The following CSNK1G1 variants were observed in gnomAD, a reference collection of about 807,000 sequenced individuals.
The protein encoded by CSNK1G1 is casein kinase I isoform gamma-1.
Under a neutral mutation model 59.6 loss-of-function variants are expected in CSNK1G1, and 22 were observed. That is an observed-to-expected ratio of 0.37 (90% CI 0.26 to 0.53). CSNK1G1 has a LOEUF of 0.53. Among genes scored for constraint, CSNK1G1 ranks in the 20% least tolerant of loss-of-function variants. CSNK1G1 has a pLI of 0.89. For missense variants in CSNK1G1, 384 were observed against 519.5 expected (o/e 0.74, Z 2.54); for synonymous variants, 179 against 177.1 (o/e 1.01, Z -0.08).
At chr15:64,284,909 A>T (rs1256692187) in intron 2 of CSNK1G1, among the ~76,000 whole-genome samples, 2 of 152,100 alleles carry the variant, frequency 1.3e-5, no homozygotes, top group Admixed American at 1.3e-4. Context: ...ATTACTGTTA[A>T]CTTATACTGT....
In CSNK1G1 at chr15:64,353,646, CAA is replaced by C. The variant is rs11301406; in HGVS notation, c.-225+2340_-225+2341del. On this transcript the variant is annotated intron_variant, in intron 1 of 11. Transcript: ENST00000303052. Reference sequence around the variant, plus strand: ...TGGGTGACAGAGTGAGACTCCATTTCAAAAAAAAAAAAAAAAAAGAAAGAAAA... The same window carrying C: ...TGGGTGACAGAGTGAGACTCCATTTCAAAAAAAAAAAAAAAAGAAAGAAAA... Among the ~76,000 whole-genome samples, 287 of 113,342 alleles carry C rather than the reference CAA, an allele frequency of 2.5e-3. 1 individual carries two copies. Among genetic ancestry groups the C allele is most frequent in the Non-Finnish European group, 3.2e-3 (172 of 53,950 alleles). 74.4% of individuals were successfully genotyped at this position (113,342 alleles called of 152,430 possible).
chr15:64,326,783 G>C (rs1896862387), intron 1 of CSNK1G1, among the ~76,000 whole-genome samples: 1 of 151,574 alleles, frequency 6.6e-6, no homozygotes, highest in Non-Finnish European at 1.5e-5. Context: ...TCACTAGGGA[G>C]TGCCAGACAG....
intron 1 of CSNK1G1, among the ~76,000 whole-genome samples, chr15:64,351,750 A>G (rs1488384480): frequency 1.3e-5 from 2 of 152,028 alleles, no homozygotes; most frequent in East Asian, 3.9e-4. Flanking sequence ...ATGCTGGCGC[A>G]CACCTGTAAT....
intron 3 of CSNK1G1, among the ~76,000 whole-genome samples, chr15:64,251,821 T>C (rs1892102474): frequency 6.6e-6 from 1 of 152,222 alleles, no homozygotes; most frequent in South Asian, 2.1e-4. Flanking sequence ...TGAGCTATCA[T>C]TCAAGGATAT....
intron 1 of CSNK1G1, among the ~76,000 whole-genome samples, chr15:64,354,109 A>G (rs1015057740): frequency 3.9e-5 from 6 of 152,096 alleles, no homozygotes; most frequent in African/African-American, 1.4e-4. Flanking sequence ...TTCAAGACCA[A>G]CCTGACCAAC....
At chr15:64,261,142 A>G (rs1360084940) in intron 2 of CSNK1G1, among the ~76,000 whole-genome samples, 4 of 152,220 alleles carry the variant, frequency 2.6e-5, no homozygotes, top group African/African-American at 9.6e-5. Context: ...AAGGATAGTA[A>G]TAAGTAAGAG....
intron 10 of CSNK1G1, among the ~76,000 whole-genome samples, chr15:64,189,754 G>A (rs937789018): frequency 1.3e-5 from 2 of 151,186 alleles, no homozygotes; most frequent in African/African-American, 4.9e-5. Flanking sequence ...AAGCTCACCC[G>A]TAAGTCACCA....
intron 2 of CSNK1G1, among the ~76,000 whole-genome samples, chr15:64,278,128 C>G (rs1893852468): frequency 6.6e-6 from 1 of 150,596 alleles, no homozygotes; most frequent in Non-Finnish European, 1.5e-5. Flanking sequence ...TCACTGCAAC[C>G]TCTGCCCCGC....
At chr15:64,184,277 T>G (rs1192295582) in intron 10 of CSNK1G1, among the ~76,000 whole-genome samples, 1 of 151,966 alleles carries the variant, frequency 6.6e-6, no homozygotes, top group Non-Finnish European at 1.5e-5. Context: ...CACTCCAGCC[T>G]GGGTGACAGA....
intron 11 of CSNK1G1, among the ~76,000 whole-genome samples, chr15:64,175,677 T>C (rs572648575): frequency 1.3e-5 from 2 of 151,862 alleles, no homozygotes; most frequent in Non-Finnish European, 2.9e-5. Flanking sequence ...AAAAAGACAA[T>C]AAACAAAAAC....
chr15:64,233,690 C>T (rs748094780), intron 4 of CSNK1G1, among the ~76,000 whole-genome samples: 4 of 152,128 alleles, frequency 2.6e-5, no homozygotes, highest in South Asian at 2.1e-4. Flanking sequence ...TCAGAAATAT[C>T]AGGATTTTGT....
intron 4 of CSNK1G1, among the ~76,000 whole-genome samples, chr15:64,222,436 CCAAAA>C (rs1567381578): frequency 0.012 from 1,339 of 114,656 alleles, 34 homozygotes; most frequent in African/African-American, 0.044. Flanking sequence ...AACAACACCA[CCAAAA>C]AAAAAAAAAA....
intron 10 of CSNK1G1, among the ~76,000 whole-genome samples, chr15:64,191,081 A>G (rs1443675771): frequency 2.6e-5 from 4 of 152,046 alleles, no homozygotes; most frequent in Non-Finnish European, 5.9e-5. Context: ...TGTGTTTTTG[A>G]GATGGAGTCT....
chr15:64,173,561 C>G (rs754355549), intron 11 of CSNK1G1, among the ~76,000 whole-genome samples: 3 of 151,608 alleles, frequency 2.0e-5, no homozygotes, highest in Non-Finnish European at 4.4e-5. Flanking sequence ...CAGTGGAAAC[C>G]CTGGATAAGA....
rs1278825243 is a variant in CSNK1G1 at position 64,201,286 on chromosome 15, A to AAAG, written c.1107+1795_1107+1796insCTT. On this transcript the variant is annotated intron_variant, in intron 10 of 11. Transcript: ENST00000303052. Reference sequence around the variant, plus strand: ...GACACTGTCTCAAAAAAAAAAAAAAAAAAAGAAAGAAAAAGAAAAGAAAAA... The same window carrying AAAG: ...GACACTGTCTCAAAAAAAAAAAAAAAAAGAAAAGAAAGAAAAAGAAAAGAAAAA... Among the ~76,000 whole-genome samples, 945 of 149,766 alleles carry AAAG rather than the reference A, an allele frequency of 6.3e-3. 8 individuals carry two copies. Among genetic ancestry groups the AAAG allele is most frequent in the African/African-American group, 0.021 (832 of 39,640 alleles).
intron 10 of CSNK1G1, among the ~76,000 whole-genome samples, chr15:64,191,035 GCT>G (rs772309607): frequency 1.3e-5 from 2 of 151,968 alleles, no homozygotes; most frequent in Non-Finnish European, 2.9e-5. Context: ...TCTCATGAAT[GCT>G]CTCTGTTTTT....
chr15:64,260,707 C>A (rs1892645315), intron 2 of CSNK1G1, among the ~76,000 whole-genome samples: 1 of 152,102 alleles, frequency 6.6e-6, no homozygotes, highest in Non-Finnish European at 1.5e-5. Flanking sequence ...CACTGTACTC[C>A]AGCCTGGGCA....
intron 4 of CSNK1G1, among the ~76,000 whole-genome samples, chr15:64,244,179 A>T (rs1030995356): frequency 1.3e-5 from 2 of 152,074 alleles, no homozygotes; most frequent in Non-Finnish European, 2.9e-5. Context: ...AAAAAATAAA[A>T]ATAAAATAAG....
intron 3 of CSNK1G1, 79 bp from the exon 4 acceptor site, chr15:64,251,660 G>A (rs1892092206): frequency 2.1e-6 from 2 of 965,624 alleles, no homozygotes; most frequent in African/African-American, 3.2e-5. Flanking sequence ...GAGTAAACGA[G>A]GGCTAAGATC....
Sources: allele counts gnomAD v4.1 joint callset (sites outside exome capture counted in the v4.1 genomes callset), GRCh38; gene constraint gnomAD v4.1.1; transcripts MANE v1.5; gene names NCBI Gene and HGNC (gene_info 2026-07-23, HGNC 2026-07-21).